Variants in SMIM14 observed in about 807,000 individuals in gnomAD.
The protein encoded by SMIM14 is small integral membrane protein 14, also known as chromosome 4 open reading frame 34.
A neutral mutation model predicts 12.6 loss-of-function variants in SMIM14; 5 were observed. The ratio of observed to expected loss-of-function variants is 0.40; its 90% CI spans 0.21 to 0.83. The LOEUF (loss-of-function observed/expected upper bound fraction) is 0.83. SMIM14 is among the 40% of genes least tolerant of loss of function. SMIM14 has a pLI of 0.37. For missense variants in SMIM14, 86 were observed against 119.1 expected (o/e 0.72, Z 1.29); for synonymous variants, 30 against 40.1 (o/e 0.75, Z 0.95).
chr4:39,617,129 A>G (rs1163257491), intron 1 of SMIM14, among the ~76,000 whole-genome samples: 1 of 152,186 alleles, frequency 6.6e-6, no homozygotes, highest in Non-Finnish European at 1.5e-5. Flanking sequence ...ATATATGTAC[A>G]AAATTACATA....
intron 1 of SMIM14, among the ~76,000 whole-genome samples, chr4:39,619,856 ATATT>A (rs1201727387): frequency 0.039 from 2,382 of 61,690 alleles, 41 homozygotes; most frequent in African/African-American, 0.075. Context: ...ATATTTATAT[ATATT>A]TATATATATA....
chr4:39,564,840 G>A (rs956425050), intron 3 of SMIM14, among the ~76,000 whole-genome samples: 4 of 152,196 alleles, frequency 2.6e-5, no homozygotes, highest in Non-Finnish European at 5.9e-5. Flanking sequence ...TGATTCAGGA[G>A]CCTGTGGGAT....
intron 3 of SMIM14, among the ~76,000 whole-genome samples, chr4:39,561,513 C>A (rs988377764): frequency 3.3e-5 from 5 of 152,146 alleles, no homozygotes; most frequent in African/African-American, 1.2e-4. Flanking sequence ...TCATGCCCAG[C>A]CATGACTTTT....
intron 3 of SMIM14, among the ~76,000 whole-genome samples, chr4:39,564,695 G>T (rs2109995774): frequency 6.6e-6 from 1 of 152,280 alleles, no homozygotes; most frequent in South Asian, 2.1e-4. Flanking sequence ...TGAAATACAT[G>T]ACTTTTAAGC....
At position 39,564,865 on chromosome 4, in the gene SMIM14, A is replaced by G. The variant is rs140123989; in HGVS notation, c.124+7550T>C. Among the ~76,000 whole-genome samples the G allele has an allele frequency of 1.2e-3, 178 of 152,278 alleles. 1 individual carries two copies. The highest frequency in any genetic ancestry group is 4.2e-3 in the African/African-American group (173 of 41,576). On this transcript the variant is annotated intron_variant, in intron 3 of 4. Transcript: ENST00000295958. ...GCCTGTGGGATGTTCATGGAGGCCA[A>G]TGTGGCTGAAGTGAAGTGACCTGGG...
chr4:39,622,376 C>A (rs2110075870), intron 1 of SMIM14, among the ~76,000 whole-genome samples: 1 of 151,494 alleles, frequency 6.6e-6, no homozygotes, highest in East Asian at 2.0e-4. Context: ...GCCACCGCGC[C>A]CGGCCACAAA....
rs375791152 is a variant in SMIM14 at position 39,556,582 on chromosome 4, C to T, written c.125-12G>A. The T allele has an allele frequency of 2.8e-5, 44 of 1,572,444 alleles. No individual in the cohort carries two copies. The highest frequency in any genetic ancestry group is 3.5e-5 in the Non-Finnish European group (41 of 1,165,862). On this transcript the variant is annotated splice_polypyrimidine_tract_variant and intron_variant, in intron 3 of 4. Transcript: ENST00000295958. ...AGAGGGTCCCGGTACTAAAGACAAA[C>T]AAAAAATGTAGCATGCTCACAATAT... is the stretch of plus-strand genomic sequence containing the variant.
intron 2 of SMIM14, among the ~76,000 whole-genome samples, chr4:39,573,946 CTATAT>C (rs564366417): frequency 2.8e-4 from 43 of 152,268 alleles, no homozygotes; most frequent in African/African-American, 1.0e-3. Flanking sequence ...TCCCATCTAT[CTATAT>C]TATAAGCCAT....
At chr4:39,606,839 T>G (rs1714832081) in intron 1 of SMIM14, among the ~76,000 whole-genome samples, 2 of 151,968 alleles carry the variant, frequency 1.3e-5, no homozygotes, top group South Asian at 4.2e-4. Context: ...ACTAGAAGAA[T>G]GACTATATTA....
chr4:39,553,646 T>C (rs918694799), intron 4 of SMIM14, among the ~76,000 whole-genome samples: 10 of 148,766 alleles, frequency 6.7e-5, no homozygotes, highest in African/African-American at 1.5e-4. Flanking sequence ...CAGGCTGGAG[T>C]GCAATGGCGC....
At chr4:39,626,348 G>T (rs921104831) in intron 1 of SMIM14, among the ~76,000 whole-genome samples, 1 of 152,098 alleles carries the variant, frequency 6.6e-6, no homozygotes, top group African/African-American at 2.4e-5. Flanking sequence ...TTCACAAGTG[G>T]CACTATTACA....
chr4:39,554,830 ATT>A (rs34845808), intron 4 of SMIM14, among the ~76,000 whole-genome samples: 1,979 of 123,940 alleles, frequency 0.016, 16 homozygotes, highest in African/African-American at 0.05. Context: ...AATTCATGGA[ATT>A]TTTTTTTTTT....
At chr4:39,587,957 C>T (rs1406701099) in intron 2 of SMIM14, 1 of 152,336 alleles carries the variant, frequency 6.6e-6, no homozygotes, top group African/African-American at 2.4e-5. Flanking sequence ...GGCCACCATT[C>T]TATGAGGAAG....
At chr4:39,595,606 C>T (rs888481141) in intron 2 of SMIM14, among the ~76,000 whole-genome samples, 1 of 145,798 alleles carries the variant, frequency 6.9e-6, no homozygotes, top group African/African-American at 2.7e-5. Flanking sequence ...TCTGTAACTA[C>T]GATTTTTTTT....
chr4:39,582,846 T>C (rs1713583817), intron 2 of SMIM14, among the ~76,000 whole-genome samples: 1 of 151,952 alleles, frequency 6.6e-6, no homozygotes, highest in South Asian at 2.1e-4. Flanking sequence ...CCAGGCCGGA[T>C]TGTGGTGGCA....
intron 3 of SMIM14, among the ~76,000 whole-genome samples, chr4:39,559,933 A>G (rs560811188): frequency 2.7e-5 from 4 of 150,542 alleles, no homozygotes; most frequent in Admixed American, 2.0e-4. Flanking sequence ...CCTGGGCAAC[A>G]TGACAAAAAC....
At chr4:39,552,731 G>T (rs1248683863) in intron 4 of SMIM14, among the ~76,000 whole-genome samples, 1 of 152,094 alleles carries the variant, frequency 6.6e-6, no homozygotes, top group Admixed American at 6.6e-5. Flanking sequence ...TCTTAACACT[G>T]ACCCTACCTC....
Position 39,561,033 on chromosome 4 carries a change from T to C in SMIM14, c.125-4463A>G, listed in dbSNP as rs992472335. Among the ~76,000 whole-genome samples, 12 of 145,194 alleles carry C rather than the reference T, an allele frequency of 8.3e-5. No individual in the cohort carries two copies. In the East Asian group the frequency reaches 2.4e-3, roughly 28 times the overall value. On this transcript the variant is annotated intron_variant, in intron 3 of 4. Coordinates refer to ENST00000295958, the MANE Select transcript of SMIM14 (RefSeq NM_174921.3). ...CTCTATATTGTTTCCAGAGTGATTT[T>C]TTTTTCTTTTTTTTTAAAAGCAAAT...
chr4:39,595,711 C>T (rs1035238631), intron 2 of SMIM14, among the ~76,000 whole-genome samples: 2 of 150,924 alleles, frequency 1.3e-5, no homozygotes, highest in Non-Finnish European at 2.9e-5. Flanking sequence ...TGGGCTCAAG[C>T]GATTCTCCCA....
Sources: gnomAD v4.1 joint callset for allele counts (sites outside exome capture counted in the v4.1 genomes callset) on GRCh38, gnomAD v4.1.1 for gene constraint, MANE v1.5 for transcripts, NCBI Gene and HGNC (gene_info 2026-07-23, HGNC 2026-07-21) for gene names.